UTS2: variants seen among roughly 807,000 people sequenced by gnomAD.
The protein encoded by UTS2 is urotensin-2.
Under a neutral mutation model 12.6 loss-of-function variants are expected in UTS2, and 10 were observed. The ratio of observed to expected loss-of-function variants is 0.80; its 90% CI spans 0.49 to 1.35. The LOEUF (loss-of-function observed/expected upper bound fraction) is 1.35, where lower values mean the gene tolerates loss of function less well. Ranked by LOEUF, UTS2 falls within the 40% of genes most tolerant of loss-of-function variation. UTS2 has a pLI of 0.00. For synonymous variants in UTS2, 52 were observed against 50.0 expected, an observed-to-expected ratio of 1.04 and a Z score of -0.17; for missense variants, 142 against 143.2, an observed-to-expected ratio of 0.99 and a Z score of 0.04.
chr1:7,894,523 T>C, the UTS2 span, among the ~76,000 whole-genome samples: 1 of 152,104 alleles, frequency 6.6e-6, no homozygotes, highest in Non-Finnish European at 1.5e-5. Flanking sequence ...AACAGAACCC[T>C]GCCCCTCTGG....
chr1:7,860,267 T>C, the UTS2 span, among the ~76,000 whole-genome samples: 23,740 of 152,026 alleles, frequency 0.16, 2,404 homozygotes, highest in South Asian at 0.25. Flanking sequence ...AGGGTCAGCG[T>C]AGGCTTGCAG....
the UTS2 span, among the ~76,000 whole-genome samples, chr1:7,868,625 TG>T: frequency 2.0e-5 from 3 of 152,250 alleles, no homozygotes; most frequent in African/African-American, 7.2e-5. Context: ...TCGCCCTGTG[TG>T]GCAGTGAGCA....
chr1:7,898,374 C>T, the UTS2 span, among the ~76,000 whole-genome samples: 1 of 152,102 alleles, frequency 6.6e-6, no homozygotes, highest in Non-Finnish European at 1.5e-5. Context: ...ATTAGGGGAA[C>T]TTATATACCG....
the UTS2 span, among the ~76,000 whole-genome samples, chr1:7,868,131 C>CA: frequency 6.6e-6 from 1 of 151,848 alleles, no homozygotes; most frequent in African/African-American, 2.4e-5. Flanking sequence ...GGCACATCAC[C>CA]AAAAAAAAAG....
intron 1 of UTS2, among the ~76,000 whole-genome samples, chr1:7,852,542 G>A (rs1270139442): frequency 6.6e-6 from 1 of 152,014 alleles, no homozygotes; most frequent in Non-Finnish European, 1.5e-5. Flanking sequence ...AACAACCAGT[G>A]CTACATTCAA....
chr1:7,851,139 C>G (rs1305393460), intron 1 of UTS2, among the ~76,000 whole-genome samples: 2 of 152,244 alleles, frequency 1.3e-5, no homozygotes, highest in Non-Finnish European at 2.9e-5. Context: ...AGACGTGGAT[C>G]TGACACCCGC....
At chr1:7,904,903 C>CAAAAAAA in the UTS2 span, among the ~76,000 whole-genome samples, 1 of 58,262 alleles carries the variant, frequency 1.7e-5, no homozygotes, top group African/African-American at 6.1e-5. Context: ...GACTCTGTCT[C>CAAAAAAA]AAAAAAAAAA....
the UTS2 span, among the ~76,000 whole-genome samples, chr1:7,882,851 C>G: frequency 6.6e-6 from 1 of 151,948 alleles, no homozygotes; most frequent in Non-Finnish European, 1.5e-5. Flanking sequence ...AAATGAAAAT[C>G]AAAATCACTG....
chr1:7,861,615 G>A, the UTS2 span, among the ~76,000 whole-genome samples: 9 of 152,130 alleles, frequency 5.9e-5, no homozygotes, highest in East Asian at 1.9e-4. Context: ...AGCAGCCTCC[G>A]CAGCAGGCCC....
At chr1:7,870,918 A>T in the UTS2 span, among the ~76,000 whole-genome samples, 1 of 152,206 alleles carries the variant, frequency 6.6e-6, no homozygotes, top group Non-Finnish European at 1.5e-5. Context: ...TCTCAATAAT[A>T]TCAAAAAGGA....
At chr1:7,866,285 G>C in the UTS2 span, among the ~76,000 whole-genome samples, 1 of 152,174 alleles carries the variant, frequency 6.6e-6, no homozygotes, top group Non-Finnish European at 1.5e-5. This position sits in a 1 kb window ranked among gnomAD's most constrained non-coding sequence, Gnocchi z 4.5. Flanking sequence ...ACGTCTGGTG[G>C]GCTGGGAAGA....
chr1:7,905,841 A>T, the UTS2 span, among the ~76,000 whole-genome samples: 1 of 152,128 alleles, frequency 6.6e-6, no homozygotes, highest in Non-Finnish European at 1.5e-5. Context: ...TTCCTAGGGA[A>T]AGGTGGGTGA....
the UTS2 span, among the ~76,000 whole-genome samples, chr1:7,894,985 A>G: frequency 2.0e-5 from 3 of 152,074 alleles, no homozygotes; most frequent in African/African-American, 7.2e-5. Context: ...TTTTGCCTCT[A>G]TTATTTTTTA....
At chr1:7,893,234 C>G in the UTS2 span, among the ~76,000 whole-genome samples, 1 of 152,260 alleles carries the variant, frequency 6.6e-6, no homozygotes, top group Admixed American at 6.5e-5. Flanking sequence ...GGATTTAGGC[C>G]GGGCGCAGTG....
chr1:7,848,678 C>A (rs2097410428), intron 3 of UTS2, among the ~76,000 whole-genome samples: 1 of 152,034 alleles, frequency 6.6e-6, no homozygotes, highest in African/African-American at 2.4e-5. Flanking sequence ...TGCCACCACG[C>A]CTGGCTAAGT....
chr1:7,892,071 C>A, the UTS2 span, among the ~76,000 whole-genome samples: 1 of 152,190 alleles, frequency 6.6e-6, no homozygotes, highest in Admixed American at 6.5e-5. Context: ...CCTCCCTGGA[C>A]CCCTACCTTG....
chr1:7,891,576 G>GAAAGAAAGAAAGAAAGAAAGAAAA, the UTS2 span, among the ~76,000 whole-genome samples: 103 of 150,686 alleles, frequency 6.8e-4, no homozygotes, highest in African/African-American at 2.4e-3. Context: ...AAGAAAGAAA[G>GAAAGAAAGAAAGAAAGAAAGAAAA]AAAGAAAGAA....
the UTS2 span, among the ~76,000 whole-genome samples, chr1:7,866,471 C>T: frequency 2.6e-5 from 4 of 152,330 alleles, no homozygotes; most frequent in East Asian, 7.7e-4. This position sits in a 1 kb window ranked among gnomAD's most constrained non-coding sequence, Gnocchi z 4.5. Flanking sequence ...CTCCAGCCCT[C>T]TCATAATCTA....
chr1:7,863,002 TGTA>T, the UTS2 span, among the ~76,000 whole-genome samples: 1 of 19,616 alleles, frequency 5.1e-5, no homozygotes, highest in African/African-American at 1.8e-4. Context: ...TGTATTGTAT[TGTA>T]TTGTATTGTA....
Sources: allele counts gnomAD v4.1 joint callset (sites outside exome capture counted in the v4.1 genomes callset), GRCh38; gene constraint gnomAD v4.1.1; non-coding constraint Gnocchi (gnomAD v3.1); transcripts MANE v1.5; gene names NCBI Gene and HGNC (gene_info 2026-07-23, HGNC 2026-07-21).